GMDS: variants seen among roughly 807,000 people sequenced by gnomAD.
GMDS encodes GDP-mannose 4,6 dehydratase.
Under a neutral mutation model 49.9 loss-of-function variants are expected in GMDS, and 20 were observed. The observed-to-expected ratio is 0.40, with a 90% CI of 0.28 to 0.58. The LOEUF is 0.58. Among genes scored for constraint, GMDS ranks in the 20% least tolerant of loss-of-function variants. The pLI is 0.42. For synonymous variants in GMDS, 177 were observed against 178.6 expected (o/e 0.99, Z 0.07); for missense variants, 362 against 481.4 (o/e 0.75, Z 2.32).
At chr6:1,717,508 C>T (rs914707384) in intron 9 of GMDS, 10 of 152,132 alleles carry the variant, frequency 6.6e-5, no homozygotes, top group Admixed American at 1.3e-4. Flanking sequence ...TGAAACATAC[C>T]GTTTAGGCAG....
chr6:2,117,386 A>G, intron 3 of GMDS, 83 bp downstream of exon 3: 1 of 818,392 alleles, frequency 1.2e-6, no homozygotes, highest in Non-Finnish European at 2.1e-6. Flanking sequence ...GACAAAAATG[A>G]CATTTGAAAA....
At chr6:1,969,253 C>T (rs1196828902) in intron 4 of GMDS, among the ~76,000 whole-genome samples, 2 of 70,518 alleles carry the variant, frequency 2.8e-5, no homozygotes, top group African/African-American at 1.1e-4. Context: ...CAGAGTGAGG[C>T]TCCATCTCAA....
intron 4 of GMDS, among the ~76,000 whole-genome samples, chr6:2,002,198 C>T (rs1223482407): frequency 6.6e-6 from 1 of 152,246 alleles, no homozygotes; most frequent in Non-Finnish European, 1.5e-5. Context: ...CTTATTCATT[C>T]ATTTATTCAT....
chr6:2,076,425 G>A (rs1364415239), intron 4 of GMDS, among the ~76,000 whole-genome samples: 1 of 152,076 alleles, frequency 6.6e-6, no homozygotes, highest in East Asian at 1.9e-4. Flanking sequence ...AAGTTCATAT[G>A]GAACCAAAAG....
chr6:1,697,628 T>G (rs576166291), intron 9 of GMDS, among the ~76,000 whole-genome samples: 1 of 152,168 alleles, frequency 6.6e-6, no homozygotes, highest in Non-Finnish European at 1.5e-5. Context: ...GAGAACTTGT[T>G]AGAAAAACAA....
chr6:2,186,524 T>C (rs1015950473), intron 1 of GMDS, among the ~76,000 whole-genome samples: 1 of 152,206 alleles, frequency 6.6e-6, no homozygotes, highest in African/African-American at 2.4e-5. Flanking sequence ...GCAGAAACAA[T>C]GTGTTCGCTA....
intron 9 of GMDS, among the ~76,000 whole-genome samples, chr6:1,630,809 G>C (rs546945408): frequency 2.6e-5 from 4 of 152,142 alleles, no homozygotes; most frequent in Non-Finnish European, 5.9e-5. Context: ...GGGAAAGCTA[G>C]ATTAATGACT....
intron 9 of GMDS, among the ~76,000 whole-genome samples, chr6:1,661,118 G>C (rs1764057478): frequency 6.6e-6 from 1 of 152,136 alleles, no homozygotes; most frequent in African/African-American, 2.4e-5. Flanking sequence ...AAATACCATG[G>C]GGCAGTCCTC....
intron 9 of GMDS, among the ~76,000 whole-genome samples, chr6:1,722,377 G>A (rs543178880): frequency 2.9e-4 from 44 of 151,810 alleles, no homozygotes; most frequent in South Asian, 1.0e-3. Flanking sequence ...GTGAGCCACC[G>A]CGCCCGGCCA....
rs530278934 is a variant in GMDS, at chr6:2,191,190, G to A, written c.102+54131C>T. ...AGCCATGTCCCCAGGGGTCCGCCCC[G>A]CATGGGGTGACCACCGGGCCTGACA... is the stretch of plus-strand genomic sequence containing the variant. On this transcript the variant is annotated intron_variant, in intron 1 of 10. Coordinates refer to ENST00000380815, the MANE Select transcript of GMDS (RefSeq NM_001500.4). The surrounding 1 kb of genome is among the most constrained non-coding windows in gnomAD (Gnocchi z 4.6). Among the ~76,000 whole-genome samples, 6 of 152,122 alleles carry A rather than the reference G, an allele frequency of 3.9e-5. 1 individual carries two copies. Among genetic ancestry groups the A allele is most frequent in the Non-Finnish European group, 5.9e-5 (4 of 67,940 alleles).
At chr6:2,219,529 G>C (rs1780487405) in intron 1 of GMDS, among the ~76,000 whole-genome samples, 1 of 152,114 alleles carries the variant, frequency 6.6e-6, no homozygotes, top group South Asian at 2.1e-4. Context: ...AATCCATCAT[G>C]AACTGGTTCT....
chr6:2,226,341 C>T (rs1307669978), intron 1 of GMDS, among the ~76,000 whole-genome samples: 1 of 152,158 alleles, frequency 6.6e-6, no homozygotes, highest in East Asian at 1.9e-4. Context: ...TGTAGGAGAC[C>T]TGTGAGATCA....
At chr6:2,194,625 G>A (rs1452779001) in intron 1 of GMDS, among the ~76,000 whole-genome samples, 2 of 151,956 alleles carry the variant, frequency 1.3e-5, no homozygotes, top group Non-Finnish European at 2.9e-5. Context: ...ATAAATAAAA[G>A]ACAATTAAGG....
chr6:1,743,061 C>T (rs1037262549), intron 7 of GMDS, among the ~76,000 whole-genome samples: 2 of 152,172 alleles, frequency 1.3e-5, no homozygotes, highest in African/African-American at 4.8e-5. Flanking sequence ...AAAAGTAGAA[C>T]TTAATTTTTG....
chr6:1,940,724 T>C (rs1313557511), intron 6 of GMDS, among the ~76,000 whole-genome samples: 1 of 152,278 alleles, frequency 6.6e-6, no homozygotes, highest in African/African-American at 2.4e-5. Context: ...ATTTAAAATA[T>C]GTGTATAAAG....
At chr6:1,984,413 A>G (rs1765416695) in intron 4 of GMDS, among the ~76,000 whole-genome samples, 1 of 151,640 alleles carries the variant, frequency 6.6e-6, no homozygotes, top group Non-Finnish European at 1.5e-5. Context: ...CCCGCCTCCA[A>G]AAACAAGAGA....
chr6:2,173,193 T>G lies in GMDS; in HGVS notation c.103-48462A>C, dbSNP rs1423845513. Among the ~76,000 whole-genome samples the G allele has an allele frequency of 2.6e-5, 4 of 152,208 alleles. No homozygotes were observed. The South Asian group carries it at 8.3e-4, about 32-fold the overall frequency. On this transcript the variant is annotated intron_variant, in intron 1 of 10. Transcript: ENST00000380815. ...TTAGGAAATATAATCAGATACAGTC[T>G]GAAGAAAATTGAGTCTTAAGCCTTT... is the stretch of plus-strand genomic sequence containing the variant.
At chr6:2,169,962 G>A (rs955887382) in intron 1 of GMDS, among the ~76,000 whole-genome samples, 19 of 152,220 alleles carry the variant, frequency 1.2e-4, no homozygotes, top group African/African-American at 4.6e-4. Flanking sequence ...CCAGCACTTT[G>A]GGAGGCCAAG....
chr6:1,984,123 G>C (rs1183100052), intron 4 of GMDS, among the ~76,000 whole-genome samples: 1 of 152,142 alleles, frequency 6.6e-6, no homozygotes, highest in East Asian at 1.9e-4. Flanking sequence ...GAACAGAACA[G>C]AAAACCAAAT....
Sources: gnomAD v4.1 joint callset for allele counts (sites outside exome capture counted in the v4.1 genomes callset) on GRCh38, gnomAD v4.1.1 for gene constraint, Gnocchi (gnomAD v3.1) non-coding constraint, MANE v1.5 for transcripts, NCBI Gene and HGNC (gene_info 2026-07-23, HGNC 2026-07-21) for gene names.